MSR1: variants seen among roughly 807,000 people sequenced by gnomAD.
MSR1 encodes macrophage scavenger receptor 1.
Under a neutral mutation model 47.2 loss-of-function variants are expected in MSR1, and 53 were observed. The observed-to-expected ratio is 1.12, with a 90% CI of 0.90 to 1.41. The LOEUF (loss-of-function observed/expected upper bound fraction) is 1.41, where lower values mean the gene tolerates loss of function less well. Among genes scored for constraint, MSR1 ranks in the 40% most tolerant of loss-of-function variants. The probability of loss-of-function intolerance (pLI) is 0.00; values close to 1 mark genes in which losing one functional copy is unlikely to be tolerated. For missense variants in MSR1, 786 were observed against 546.9 expected (o/e 1.44, Z -4.36); for synonymous variants, 239 against 185.6 (o/e 1.29, Z -2.34).
intron 8 of MSR1, among the ~76,000 whole-genome samples, chr8:16,125,018 A>G (rs79320912): frequency 0.044 from 6,753 of 152,118 alleles, 248 homozygotes; most frequent in East Asian, 0.12. Context: ...TAACTGGCAT[A>G]AACATAAGTG....
chr8:16,135,388 T>G (rs935889749), intron 8 of MSR1, among the ~76,000 whole-genome samples: 1 of 152,180 alleles, frequency 6.6e-6, no homozygotes, highest in African/African-American at 2.4e-5. Context: ...CAATGAGGCC[T>G]GGGTGACAGC....
chr8:16,133,522 T>A (rs765789758), intron 8 of MSR1, among the ~76,000 whole-genome samples: 11 of 152,138 alleles, frequency 7.2e-5, no homozygotes, highest in Admixed American at 2.0e-4. Context: ...AAACTTTGGA[T>A]AACTTTCTCA....
chr8:16,129,483 T>C (rs1030087430), intron 8 of MSR1, among the ~76,000 whole-genome samples: 7 of 152,102 alleles, frequency 4.6e-5, no homozygotes, highest in Non-Finnish European at 1.0e-4. Context: ...CCGTGGCTTA[T>C]GTCTGTAACC....
intron 8 of MSR1, among the ~76,000 whole-genome samples, chr8:16,134,239 T>A (rs1177078851): frequency 6.6e-6 from 1 of 152,170 alleles, no homozygotes; most frequent in African/African-American, 2.4e-5. Flanking sequence ...GGGGCTCTTT[T>A]TAAATAGATA....
chr8:16,185,684 T>C (rs995599360), intron 1 of MSR1, among the ~76,000 whole-genome samples: 18 of 152,184 alleles, frequency 1.2e-4, no homozygotes, highest in African/African-American at 4.1e-4. Context: ...CTTATTTTTA[T>C]CTACTCCAGC....
chr8:16,119,235 T>G (rs566683529), intron 9 of MSR1, among the ~76,000 whole-genome samples: 1 of 152,254 alleles, frequency 6.6e-6, no homozygotes, highest in East Asian at 1.9e-4. Flanking sequence ...AATATGATAA[T>G]TATTATCATT....
chr8:16,122,577 G>A (rs1800028960), intron 8 of MSR1, among the ~76,000 whole-genome samples: 1 of 152,068 alleles, frequency 6.6e-6, no homozygotes, highest in Non-Finnish European at 1.5e-5. Context: ...TTGTCCTGGA[G>A]CAGTGGTTCT....
intron 1 of MSR1, chr8:16,186,103 T>A (rs530405288): frequency 7.2e-7 from 1 of 1,391,100 alleles, no homozygotes; most frequent in Non-Finnish European, 9.8e-7. Flanking sequence ...TTGGCAGTAA[T>A]AAATGTATAA....
At chr8:16,140,984 C>G in intron 8 of MSR1, 1 of 1,613,904 alleles carries the variant, frequency 6.2e-7, no homozygotes, top group Non-Finnish European at 8.5e-7. Flanking sequence ...GAGGATGTCC[C>G]GCCCAACCCA....
intron 8 of MSR1, chr8:16,121,114 G>A (rs12674592): frequency 0.041 from 16,773 of 404,906 alleles, 845 homozygotes; most frequent in East Asian, 0.12. Context: ...AGGGAAACAA[G>A]GGAACTATAG....
chr8:16,187,640 C>T (rs780564657), intron 1 of MSR1, among the ~76,000 whole-genome samples: 24 of 151,854 alleles, frequency 1.6e-4, no homozygotes, highest in Non-Finnish European at 3.1e-4. Context: ...TACATAATGC[C>T]GTATTTAAAA....
intron 4 of MSR1, among the ~76,000 whole-genome samples, chr8:16,166,046 G>C (rs1801296664): frequency 6.6e-6 from 1 of 152,024 alleles, no homozygotes; most frequent in South Asian, 2.1e-4. Flanking sequence ...AAGTATGTCG[G>C]GTAGTTCCAG....
chr8:16,176,087 C>T (rs147392429), intron 2 of MSR1, among the ~76,000 whole-genome samples: 2 of 152,136 alleles, frequency 1.3e-5, no homozygotes, highest in African/African-American at 4.8e-5. Context: ...TTTCTATGGT[C>T]ATTGCTTTCA....
chr8:16,124,787 C>T (rs78478367), intron 8 of MSR1, among the ~76,000 whole-genome samples: 5,725 of 152,206 alleles, frequency 0.038, 213 homozygotes, highest in East Asian at 0.12. Context: ...AGTTGTCACT[C>T]AGTAGTCACT....
At chr8:16,118,540 G>A (rs1051074877) in intron 9 of MSR1, among the ~76,000 whole-genome samples, 1 of 152,094 alleles carries the variant, frequency 6.6e-6, no homozygotes, top group African/African-American at 2.4e-5. Flanking sequence ...CTAGCCAGGT[G>A]TGATGGTGCA....
chr8:16,119,188 A>G (rs1390368673), intron 9 of MSR1, among the ~76,000 whole-genome samples: 4 of 152,104 alleles, frequency 2.6e-5, no homozygotes, highest in Non-Finnish European at 5.9e-5. Flanking sequence ...AAGACTCTAG[A>G]ACCTGAGACT....
chr8:16,175,320 C>G lies in MSR1; in HGVS notation c.104-20G>C. On this transcript the variant is annotated intron_variant, in intron 2 of 9. Coordinates refer to ENST00000262101, the MANE Select transcript of MSR1 (RefSeq NM_138715.3). ...TAGGATCTAATAAAACAAAAAAGCCCAGCCTACTGTTAGAAAGTGTTGTCT... is the reference window on the plus strand; with the variant it reads ...TAGGATCTAATAAAACAAAAAAGCCGAGCCTACTGTTAGAAAGTGTTGTCT... 1 of 1,578,666 alleles carries G rather than the reference C, an allele frequency of 6.3e-7. No individual in the cohort carries two copies. Among genetic ancestry groups the G allele is most frequent in the Non-Finnish European group, 8.7e-7 (1 of 1,147,796 alleles).
chr8:16,123,527 T>C (rs1300324523), intron 8 of MSR1, among the ~76,000 whole-genome samples: 1 of 152,006 alleles, frequency 6.6e-6, no homozygotes, highest in Non-Finnish European at 1.5e-5. Context: ...ATAGGGCTTT[T>C]TTTTTTTCCA....
chr8:16,140,048 T>G, intron 8 of MSR1: 3 of 853,712 alleles, frequency 3.5e-6, no homozygotes, highest in South Asian at 5.4e-5. Context: ...TTAGCTGTTA[T>G]GTCCAGCTCA....
Sources: gnomAD v4.1 joint callset for allele counts (sites outside exome capture counted in the v4.1 genomes callset) on GRCh38, gnomAD v4.1.1 for gene constraint, MANE v1.5 for transcripts, NCBI Gene and HGNC (gene_info 2026-07-23, HGNC 2026-07-21) for gene names.